Variants in EXOC4 observed in about 807,000 individuals in gnomAD.
EXOC4 encodes exocyst complex component 4.
A neutral mutation model predicts 107.2 loss-of-function variants in EXOC4; 71 were observed. That is an observed-to-expected ratio of 0.66 (90% CI 0.55 to 0.81). The LOEUF (loss-of-function observed/expected upper bound fraction) is 0.81, where lower values mean the gene tolerates loss of function less well. EXOC4 is among the 30% of genes least tolerant of loss of function. The pLI is 0.00. For synonymous variants in EXOC4, 456 were observed against 441.2 expected, an observed-to-expected ratio of 1.03 and a Z score of -0.42; for missense variants, 1,108 against 1,189.6, an observed-to-expected ratio of 0.93 and a Z score of 1.01.
chr7:134,054,513 G>A (rs1346333782), intron 17 of EXOC4, among the ~76,000 whole-genome samples: 5 of 151,866 alleles, frequency 3.3e-5, no homozygotes, highest in South Asian at 2.1e-4. Context: ...GCCCCTCCCC[G>A]TTCACTAACA....
At chr7:133,959,503 G>A (rs2971973) in intron 14 of EXOC4, among the ~76,000 whole-genome samples, 104,342 of 150,962 alleles carry the variant, frequency 0.69, 36,406 homozygotes, top group East Asian at 0.91. Context: ...TTCCATAACT[G>A]AATTTTAGGT....
At position 133,794,107 on chromosome 7, in the gene EXOC4, C is replaced by G. The variant is rs1199948943; in HGVS notation, c.1515-23218C>G. ...TAGGTTCAAGGACCTTGAGCTTCTC[C>G]TCATATGTCTAGTTCATTTTTTTGC... is the stretch of plus-strand genomic sequence containing the variant. On this transcript the variant is annotated intron_variant, in intron 10 of 17. Transcript: ENST00000253861. 3.9e-5 allele frequency among the ~76,000 whole-genome samples: 6 copies of G among 152,084 alleles called. No homozygotes were observed. In the East Asian group the frequency reaches 1.2e-3, roughly 29 times the overall value.
intron 5 of EXOC4, among the ~76,000 whole-genome samples, chr7:133,338,562 C>T (rs1297481833): frequency 4.5e-5 from 6 of 132,358 alleles, no homozygotes; most frequent in Non-Finnish European, 6.2e-5. Flanking sequence ...CACTGCAGTC[C>T]GCAGTCCGAC....
At chr7:133,398,508 C>T (rs1797021028) in intron 7 of EXOC4, among the ~76,000 whole-genome samples, 1 of 152,124 alleles carries the variant, frequency 6.6e-6, no homozygotes, top group African/African-American at 2.4e-5. Flanking sequence ...ATTTCATGCT[C>T]TCTCTTTGCA....
chr7:133,275,235 A>C, intron 2 of EXOC4, 64 bp downstream of exon 2: 1 of 1,339,544 alleles, frequency 7.5e-7, no homozygotes, highest in Non-Finnish European at 1.0e-6. Context: ...TGCAGCTTGG[A>C]GAGGAGCCAT....
At chr7:133,292,759 G>T (rs1460001919) in intron 3 of EXOC4, among the ~76,000 whole-genome samples, 1 of 152,116 alleles carries the variant, frequency 6.6e-6, no homozygotes. Context: ...TGAGGATAGT[G>T]GTTGTGTCTT....
At chr7:133,560,414 A>G (rs1398428606) in intron 9 of EXOC4, among the ~76,000 whole-genome samples, 1 of 152,120 alleles carries the variant, frequency 6.6e-6, no homozygotes, top group Non-Finnish European at 1.5e-5. Context: ...CCACTTGAGT[A>G]GCTGGGATTA....
chr7:133,665,541 A>T (rs1322356087), intron 10 of EXOC4, among the ~76,000 whole-genome samples: 1 of 152,172 alleles, frequency 6.6e-6, no homozygotes, highest in African/African-American at 2.4e-5. Context: ...GAACTATTGA[A>T]TGATCTGAAG....
intron 17 of EXOC4, among the ~76,000 whole-genome samples, chr7:134,053,712 G>A (rs1347822599): frequency 2.0e-5 from 3 of 151,740 alleles, no homozygotes; most frequent in Non-Finnish European, 4.4e-5. Context: ...GGTGGTCAGG[G>A]AAAACCTCAC....
At chr7:133,858,320 G>T (rs962144172) in intron 11 of EXOC4, among the ~76,000 whole-genome samples, 2 of 152,130 alleles carry the variant, frequency 1.3e-5, no homozygotes, top group African/African-American at 4.8e-5. Flanking sequence ...ACGGGCAGTC[G>T]TACCATGTGG....
chr7:133,357,604 G>A (rs911182675), intron 6 of EXOC4, among the ~76,000 whole-genome samples: 27 of 152,074 alleles, frequency 1.8e-4, no homozygotes, highest in African/African-American at 6.5e-4. Flanking sequence ...TTGTAGATAC[G>A]TTGTTAAGGA....
At chr7:133,678,123 T>A (rs1480980624) in intron 10 of EXOC4, among the ~76,000 whole-genome samples, 1 of 152,232 alleles carries the variant, frequency 6.6e-6, no homozygotes, top group African/African-American at 2.4e-5. Flanking sequence ...CTAAATTATA[T>A]TATTGGGTGT....
chr7:133,954,640 C>T (rs1038632172), intron 14 of EXOC4, among the ~76,000 whole-genome samples: 3 of 152,198 alleles, frequency 2.0e-5, no homozygotes, highest in African/African-American at 7.2e-5. Context: ...AGCAGGAAGC[C>T]TCTGTGGCCA....
At chr7:133,312,868 C>A (rs1794905895) in intron 4 of EXOC4, among the ~76,000 whole-genome samples, 1 of 151,828 alleles carries the variant, frequency 6.6e-6, no homozygotes, top group Non-Finnish European at 1.5e-5. Context: ...AAAGAATTTA[C>A]ACCTTTATAA....
chr7:133,648,061 G>A (rs1181447230), intron 10 of EXOC4, among the ~76,000 whole-genome samples: 2 of 151,916 alleles, frequency 1.3e-5, no homozygotes, highest in Non-Finnish European at 1.5e-5. Context: ...GTATTTAATG[G>A]GCTAATATAG....
At chr7:133,259,231 TC>T (rs549124338) in intron 1 of EXOC4, among the ~76,000 whole-genome samples, 1 of 150,628 alleles carries the variant, frequency 6.6e-6, no homozygotes, top group African/African-American at 2.4e-5. Flanking sequence ...TAGTTTAATT[TC>T]TTTTTTTTTT....
At chr7:133,602,880 C>T (rs1346973997) in intron 9 of EXOC4, among the ~76,000 whole-genome samples, 1 of 152,108 alleles carries the variant, frequency 6.6e-6, no homozygotes, top group Non-Finnish European at 1.5e-5. Context: ...GAACTCCATT[C>T]TTATATAATA....
At chr7:133,462,604 A>G (rs978253929) in intron 7 of EXOC4, among the ~76,000 whole-genome samples, 3 of 152,188 alleles carry the variant, frequency 2.0e-5, no homozygotes, top group African/African-American at 7.2e-5. Flanking sequence ...AATGGAGGAA[A>G]AGTAGTTTGC....
intron 7 of EXOC4, among the ~76,000 whole-genome samples, chr7:133,427,664 T>C (rs1288604023): frequency 6.6e-6 from 1 of 152,218 alleles, no homozygotes; most frequent in African/African-American, 2.4e-5. Context: ...AACTCTGTAC[T>C]CTGTAAATTA....
Sources: gnomAD v4.1 joint callset for allele counts (sites outside exome capture counted in the v4.1 genomes callset) on GRCh38, gnomAD v4.1.1 for gene constraint, MANE v1.5 for transcripts, NCBI Gene and HGNC (gene_info 2026-07-23, HGNC 2026-07-21) for gene names.